The following IQCM variants were observed in gnomAD, a reference collection of about 807,000 sequenced individuals.
IQCM encodes IQ motif containing M, also known as IQ domain-containing protein M.
Under a neutral mutation model 57.6 loss-of-function variants are expected in IQCM, and 45 were observed. That is an observed-to-expected ratio of 0.78 (90% CI 0.62 to 1.00). The LOEUF is 1.00. Among genes scored for constraint, IQCM ranks in the 50% least tolerant of loss-of-function variants. The pLI, the probability that IQCM is intolerant of heterozygous loss-of-function variation, is 0.00. For synonymous variants in IQCM, 148 were observed against 158.9 expected (o/e 0.93, Z 0.51); for missense variants, 468 against 511.6 (o/e 0.91, Z 0.82).
At chr4:149,715,714 T>C (rs1327005353) in intron 5 of IQCM, among the ~76,000 whole-genome samples, 1 of 152,136 alleles carries the variant, frequency 6.6e-6, no homozygotes, top group East Asian at 1.9e-4. Context: ...AGAGGTGCTT[T>C]ATTGAGCAAC....
chr4:149,587,991 A>G lies in IQCM; in HGVS notation c.688T>C (p.Phe230Leu), dbSNP rs888065876. ...SIFRDYYSKTFKTLIKKERQP... is the reference protein window; with the variant it reads ...SIFRDYYSKTLKTLIKKERQP... The stretch of plus-strand genomic sequence containing the variant: ...CGCTCCTTTTTAATAAGGGTTTTAA[A>G]GGTTTTCTATAATAAGGAAAAGAAG... The change falls in exon 9 of 14, where the codon TTT becomes CTT. Residue 230 changes from phenylalanine (F) to leucine (L), a missense_variant. Physicochemically the swap from Phe to Leu is conservative, Grantham distance 22 (BLOSUM62 0). Coordinates refer to ENST00000636793, the MANE Select transcript of IQCM (RefSeq NM_001363507.2). The G allele has an allele frequency of 8.2e-6, 10 of 1,220,840 alleles. No individual in the cohort carries two copies. In the African/African-American group the frequency reaches 1.4e-4, roughly 17 times the overall value. The allele number at this position is 1,220,840 out of a possible 1,614,324, so 75.6% of individuals were successfully genotyped here. A position where few individuals can be genotyped will look rare whatever the true frequency, so the allele number is the denominator to read the frequency against.
chr4:149,355,228 G>T (rs1728875425), intron 13 of IQCM, among the ~76,000 whole-genome samples: 1 of 151,914 alleles, frequency 6.6e-6, no homozygotes, highest in African/African-American at 2.4e-5. Context: ...ATCTTTCAAA[G>T]TAAATATTCT....
chr4:149,767,715 T>C (rs1392892982), intron 2 of IQCM, among the ~76,000 whole-genome samples: 1 of 152,102 alleles, frequency 6.6e-6, no homozygotes, highest in Non-Finnish European at 1.5e-5. Flanking sequence ...ACTTTTTCAT[T>C]GTATTAAATG....
rs60504277 is a variant in IQCM, at chr4:149,729,464, T to G, written c.385+3780A>C. 6.9e-4 allele frequency among the ~76,000 whole-genome samples: 89 copies of G among 128,566 alleles called. 1 individual carries two copies. The East Asian group carries it at 0.017, about 24-fold the overall frequency. 84.3% of individuals were successfully genotyped at this position (128,566 alleles called of 152,430 possible). A position where few individuals can be genotyped will look rare whatever the true frequency, so the allele number is the denominator to read the frequency against. On this transcript the variant is annotated intron_variant, in intron 5 of 13. Coordinates refer to ENST00000636793, the MANE Select transcript of IQCM (RefSeq NM_001363507.2). Reference sequence around the variant, plus strand: ...ACACTCAAAGTCTTTTTTTGTTGTTTTTTTTTTTGTTGTTTTTTTTACCTT... The same window carrying G: ...ACACTCAAAGTCTTTTTTTGTTGTTGTTTTTTTTGTTGTTTTTTTTACCTT...
chr4:149,584,479 C>T (rs1752481681), intron 9 of IQCM, among the ~76,000 whole-genome samples: 1 of 151,516 alleles, frequency 6.6e-6, no homozygotes, highest in Non-Finnish European at 1.5e-5. Context: ...AAAAGATAAA[C>T]TTTTTCTCAT....
intron 12 of IQCM, among the ~76,000 whole-genome samples, chr4:149,435,862 AT>A (rs1335601941): frequency 3.3e-5 from 5 of 152,238 alleles, no homozygotes; most frequent in East Asian, 3.9e-4. Context: ...CAAAGAATAT[AT>A]TTTTTTACAG....
At chr4:149,472,168 A>T (rs1045717221) in intron 12 of IQCM, among the ~76,000 whole-genome samples, 2 of 152,196 alleles carry the variant, frequency 1.3e-5, no homozygotes, top group Non-Finnish European at 2.9e-5. Context: ...TTAGGAAAAG[A>T]GAAAGTCAAA....
At chr4:149,484,755 G>A (rs1377059308) in intron 12 of IQCM, among the ~76,000 whole-genome samples, 1 of 151,936 alleles carries the variant, frequency 6.6e-6, no homozygotes, top group Non-Finnish European at 1.5e-5. Flanking sequence ...CAGTTGGTGT[G>A]TTATACTATT....
chr4:149,430,447 A>G (rs1323709735), intron 13 of IQCM, among the ~76,000 whole-genome samples: 1 of 151,994 alleles, frequency 6.6e-6, no homozygotes, highest in African/African-American at 2.4e-5. Flanking sequence ...AACCACAATC[A>G]AGATGATAAA....
intron 2 of IQCM, among the ~76,000 whole-genome samples, chr4:149,764,167 T>C (rs1255800225): frequency 6.6e-6 from 1 of 152,066 alleles, no homozygotes; most frequent in Non-Finnish European, 1.5e-5. Context: ...CTGAATCAGA[T>C]TCGAGGTCCG....
intron 12 of IQCM, among the ~76,000 whole-genome samples, chr4:149,506,617 T>A (rs920496544): frequency 5.3e-5 from 8 of 152,124 alleles, no homozygotes; most frequent in Non-Finnish European, 1.2e-4. Flanking sequence ...TAAACGTGTA[T>A]CACTCAAATT....
At chr4:149,690,435 G>C (rs532296730) in intron 5 of IQCM, among the ~76,000 whole-genome samples, 1 of 151,938 alleles carries the variant, frequency 6.6e-6, no homozygotes, top group Non-Finnish European at 1.5e-5. Flanking sequence ...AAAGGTGGGA[G>C]GGGGATGAGG....
chr4:149,499,916 G>A (rs143608983), intron 12 of IQCM, among the ~76,000 whole-genome samples: 8 of 152,240 alleles, frequency 5.3e-5, no homozygotes, highest in African/African-American at 1.4e-4. Context: ...TCAAGACTAC[G>A]CAAGTTCTTG....
intron 12 of IQCM, among the ~76,000 whole-genome samples, chr4:149,509,529 T>G (rs1280489083): frequency 2.0e-5 from 3 of 151,780 alleles, no homozygotes; most frequent in Admixed American, 1.3e-4. Flanking sequence ...GATTACAGCA[T>G]GAGCCACCAC....
At chr4:149,385,094 T>G (rs1417074024) in intron 13 of IQCM, among the ~76,000 whole-genome samples, 1 of 152,066 alleles carries the variant, frequency 6.6e-6, no homozygotes, top group Non-Finnish European at 1.5e-5. Flanking sequence ...AAAGGACTGT[T>G]TTAGAAAGAT....
chr4:149,711,995 T>C (rs141105586), intron 5 of IQCM, among the ~76,000 whole-genome samples: 1 of 152,350 alleles, frequency 6.6e-6, no homozygotes, highest in African/African-American at 2.4e-5. Flanking sequence ...TCTAAAATAA[T>C]GTTTTGATTC....
chr4:149,630,855 C>T (rs1280698813), intron 7 of IQCM, among the ~76,000 whole-genome samples: 1 of 151,976 alleles, frequency 6.6e-6, no homozygotes, highest in Non-Finnish European at 1.5e-5. Flanking sequence ...ATGCAGAAAA[C>T]ACTTAATATA....
At chr4:149,714,825 T>A (rs1293535133) in intron 5 of IQCM, among the ~76,000 whole-genome samples, 1 of 152,190 alleles carries the variant, frequency 6.6e-6, no homozygotes, top group Non-Finnish European at 1.5e-5. Flanking sequence ...AGACAGCTAC[T>A]AAGTGATTAA....
intron 7 of IQCM, among the ~76,000 whole-genome samples, chr4:149,678,996 G>T (rs558730969): frequency 6.6e-6 from 1 of 151,762 alleles, no homozygotes; most frequent in Non-Finnish European, 1.5e-5. Flanking sequence ...GCTAAAACTA[G>T]AACTACCGTA....
Sources: allele counts gnomAD v4.1 joint callset (sites outside exome capture counted in the v4.1 genomes callset), GRCh38; gene constraint gnomAD v4.1.1; transcripts MANE v1.5; gene names NCBI Gene and HGNC (gene_info 2026-07-23, HGNC 2026-07-21).